PARP8: variants seen among roughly 807,000 people sequenced by gnomAD.
The protein encoded by PARP8 is protein mono-ADP-ribosyltransferase PARP8.
In PARP8, 51 loss-of-function variants were observed where a neutral mutation model predicts 124.1. That is an observed-to-expected ratio of 0.41 (90% CI 0.33 to 0.52). PARP8 has a LOEUF of 0.52. Ranked by LOEUF, PARP8 falls within the 20% of genes least tolerant of loss-of-function variation. The pLI is 0.21. For synonymous variants in PARP8, 391 were observed against 361.5 expected (o/e 1.08, Z -0.93); for missense variants, 860 against 1,018.9 (o/e 0.84, Z 2.12).
At chr5:50,794,574 A>G (rs1374401420) in intron 11 of PARP8, among the ~76,000 whole-genome samples, 2 of 152,310 alleles carry the variant, frequency 1.3e-5, no homozygotes, top group South Asian at 2.1e-4. Flanking sequence ...CTAATCACCT[A>G]GAGTTTTTCC....
chr5:50,771,894 T>C (rs1225318227), intron 7 of PARP8, among the ~76,000 whole-genome samples: 1 of 152,202 alleles, frequency 6.6e-6, no homozygotes, highest in Non-Finnish European at 1.5e-5. Flanking sequence ...TCTGGTTAAT[T>C]TGAAATATAT....
intron 2 of PARP8, among the ~76,000 whole-genome samples, chr5:50,699,037 G>A (rs1753317819): frequency 6.6e-6 from 1 of 152,178 alleles, no homozygotes; most frequent in Non-Finnish European, 1.5e-5. Context: ...CCTTTGTTCA[G>A]GAAATGAGGA....
intron 2 of PARP8, among the ~76,000 whole-genome samples, chr5:50,744,345 A>T (rs1396027540): frequency 1.3e-5 from 2 of 152,102 alleles, no homozygotes; most frequent in Non-Finnish European, 2.9e-5. Context: ...TAGATACAAG[A>T]ATGACCTTAT....
At chr5:50,808,472 G>A (rs941740055) in intron 14 of PARP8, among the ~76,000 whole-genome samples, 2 of 152,012 alleles carry the variant, frequency 1.3e-5, no homozygotes, top group Non-Finnish European at 2.9e-5. Flanking sequence ...GACATTGTCA[G>A]GATGAGATTC....
intron 25 of PARP8, among the ~76,000 whole-genome samples, chr5:50,835,382 A>C (rs781773016): frequency 2.0e-5 from 3 of 152,126 alleles, no homozygotes; most frequent in Non-Finnish European, 4.4e-5. Context: ...ATCTCTACTA[A>C]AAATACAAAA....
intron 15 of PARP8, among the ~76,000 whole-genome samples, chr5:50,818,812 T>TAAAC (rs1745416627): frequency 6.6e-6 from 1 of 152,234 alleles, no homozygotes; most frequent in Non-Finnish European, 1.5e-5. Context: ...CTGTAACAGA[T>TAAAC]AAACCATAAA....
chr5:50,816,315 GT>G lies in PARP8; in HGVS notation c.1668+794del, dbSNP rs1745098270. The stretch of plus-strand genomic sequence containing the variant: ...AATGGCCTGTAACGGGGAAAAATTG[GT>G]TTAGCGCTTTACCTTACACTGTGTG... On this transcript the variant is annotated intron_variant, in intron 15 of 25. Coordinates refer to ENST00000281631, the MANE Select transcript of PARP8 (RefSeq NM_024615.4). 2.0e-5 allele frequency among the ~76,000 whole-genome samples: 3 copies of G among 152,240 alleles called. No individual in the cohort carries two copies. In the East Asian group the frequency reaches 5.8e-4, roughly 29 times the overall value.
chr5:50,740,203 C>T (rs1411658222), intron 2 of PARP8, among the ~76,000 whole-genome samples: 1 of 152,120 alleles, frequency 6.6e-6, no homozygotes, highest in African/African-American at 2.4e-5. Context: ...ATTAATAAGT[C>T]ATACAATCAG....
intron 3 of PARP8, among the ~76,000 whole-genome samples, chr5:50,755,964 A>C (rs548303480): frequency 1.3e-5 from 2 of 152,286 alleles, no homozygotes; most frequent in South Asian, 2.1e-4. Context: ...GAGTTCACTC[A>C]TGATTTGGCT....
chr5:50,760,147 C>A, intron 4 of PARP8, 145 bp from the exon 5 acceptor site: 1 of 780,686 alleles, frequency 1.3e-6, no homozygotes, highest in South Asian at 2.5e-5. Context: ...AACTCCTCAA[C>A]ATGACATGAT....
chr5:50,834,871 G>T, intron 24 of PARP8, 60 bp from the exon 25 acceptor site: 3 of 1,389,662 alleles, frequency 2.2e-6, no homozygotes, highest in South Asian at 1.2e-5. Context: ...TATTAAGTCG[G>T]AATGGACTAG....
intron 2 of PARP8, among the ~76,000 whole-genome samples, chr5:50,713,569 A>T (rs1755000576): frequency 6.6e-6 from 1 of 151,888 alleles, no homozygotes; most frequent in African/African-American, 2.4e-5. Context: ...ATCTCATTTA[A>T]TTTTTTCATT....
At chr5:50,747,154 GTTTGTTTTGT>G (rs1758648140) in intron 2 of PARP8, among the ~76,000 whole-genome samples, 1 of 121,918 alleles carries the variant, frequency 8.2e-6, no homozygotes, top group African/African-American at 3.3e-5. Flanking sequence ...TTTTTTGTTT[GTTTGTTTTGT>G]TTTTTTTTTT....
intron 2 of PARP8, among the ~76,000 whole-genome samples, chr5:50,679,788 C>T (rs1391790331): frequency 6.6e-6 from 1 of 152,136 alleles, no homozygotes; most frequent in African/African-American, 2.4e-5. Context: ...CTGCATAGTG[C>T]TTAGGAAGTT....
At chr5:50,756,546 CATTTT>C (rs1178449575) in intron 3 of PARP8, among the ~76,000 whole-genome samples, 1 of 152,110 alleles carries the variant, frequency 6.6e-6, no homozygotes, top group Non-Finnish European at 1.5e-5. Context: ...GCAAACCTCT[CATTTT>C]ATAGCTAAAA....
chr5:50,683,837 T>C (rs1351389534), intron 2 of PARP8, among the ~76,000 whole-genome samples: 1 of 152,220 alleles, frequency 6.6e-6, no homozygotes, highest in Admixed American at 6.5e-5. Context: ...TTTAACATTA[T>C]ATAGTTATTT....
chr5:50,812,162 C>G (rs1338395695), intron 14 of PARP8, among the ~76,000 whole-genome samples: 2 of 152,144 alleles, frequency 1.3e-5, no homozygotes, highest in Admixed American at 1.3e-4. Context: ...CTTGAGGAAT[C>G]GCCACACTGT....
rs754454631 is a variant in PARP8 at position 50,668,109 on chromosome 5, G to C, written c.130G>C (p.Val44Leu). The C allele has an allele frequency of 1.2e-6, 2 of 1,611,552 alleles. No homozygotes were observed. Among genetic ancestry groups the C allele is most frequent in the Non-Finnish European group, 1.7e-6 (2 of 1,179,634 alleles). Residue 44 changes from valine (V) to leucine (L), a missense_variant, in exon 2 of 26, where the codon GTT becomes CTT. Transcript: ENST00000281631. Reference protein sequence around the residue: ...YSDSTFTFTYVGGPRSVSYSV... With the variant: ...YSDSTFTFTYLGGPRSVSYSV... ...TGACTCCACCTTTACTTTTACCTACGTTGGCGGCCCCAGAAGGTATTTATG... is the reference window on the plus strand; with the variant it reads ...TGACTCCACCTTTACTTTTACCTACCTTGGCGGCCCCAGAAGGTATTTATG...
chr5:50,738,140 G>A (rs1757663589), intron 2 of PARP8, among the ~76,000 whole-genome samples: 1 of 152,276 alleles, frequency 6.6e-6, no homozygotes, highest in African/African-American at 2.4e-5. Context: ...GCAGTGGATA[G>A]GACTAGGGCT....
Sources: gnomAD v4.1 joint callset for allele counts (sites outside exome capture counted in the v4.1 genomes callset) on GRCh38, gnomAD v4.1.1 for gene constraint, MANE v1.5 for transcripts, NCBI Gene and HGNC (gene_info 2026-07-23, HGNC 2026-07-21) for gene names.